The following HSD17B2 variants were observed in gnomAD, a reference collection of about 807,000 sequenced individuals.
HSD17B2 encodes 17-beta-hydroxysteroid dehydrogenase type 2.
HSD17B2 carries 32 observed loss-of-function variants against 26.9 expected under a neutral mutation model. That is an observed-to-expected ratio of 1.19 (90% CI 0.90 to 1.60). HSD17B2 has a LOEUF of 1.60. Ranked by LOEUF, HSD17B2 falls within the 40% of genes most tolerant of loss-of-function variation. The pLI is 0.00. For missense variants in HSD17B2, 613 were observed against 468.6 expected, an observed-to-expected ratio of 1.31 and a Z score of -2.85; for synonymous variants, 246 against 186.7, an observed-to-expected ratio of 1.32 and a Z score of -2.59.
chr16:82,061,171 T>C (rs572808016), intron 1 of HSD17B2, among the ~76,000 whole-genome samples: 9 of 151,860 alleles, frequency 5.9e-5, no homozygotes, highest in East Asian at 1.9e-4. Context: ...AGGCAAAGAA[T>C]TGCTTGAACC....
intron 2 of HSD17B2, among the ~76,000 whole-genome samples, chr16:82,070,643 T>C (rs1399126460): frequency 6.6e-6 from 1 of 152,256 alleles, no homozygotes; most frequent in Non-Finnish European, 1.5e-5. Flanking sequence ...TTCAGGATAA[T>C]GGCTCCTGCC....
intron 1 of HSD17B2, among the ~76,000 whole-genome samples, chr16:82,044,891 G>A (rs1913874409): frequency 6.6e-6 from 1 of 152,062 alleles, no homozygotes; most frequent in African/African-American, 2.4e-5. Flanking sequence ...GCCAGGGTGG[G>A]CAGATCACCT....
At chr16:82,072,717 C>T (rs554434119) in intron 3 of HSD17B2, among the ~76,000 whole-genome samples, 6 of 152,138 alleles carry the variant, frequency 3.9e-5, no homozygotes, top group Middle Eastern at 3.4e-3. Context: ...AGTGTATGAA[C>T]GAGTGAAAAA....
Position 82,084,504 on chromosome 16 carries a change from G to A in HSD17B2, c.665-6398G>A, listed in dbSNP as rs1364236511. Among the ~76,000 whole-genome samples, 5 of 152,200 alleles carry A rather than the reference G, an allele frequency of 3.3e-5. No individual in the cohort carries two copies. In the South Asian group the frequency reaches 6.2e-4, roughly 19 times the overall value. ...ATCCAAGTAAAAGGGACCTCTCAAC[G>A]GAGAGAGAGTAATCACAGTTGCCTG... On this transcript the variant is annotated intron_variant, in intron 3 of 4. Coordinates refer to ENST00000199936, the MANE Select transcript of HSD17B2 (RefSeq NM_002153.3).
chr16:82,049,740 T>C (rs145812165), intron 1 of HSD17B2, among the ~76,000 whole-genome samples: 68 of 152,376 alleles, frequency 4.5e-4, no homozygotes, highest in African/African-American at 1.6e-3. Flanking sequence ...AGCAGTTCAT[T>C]GTTTTTACAG....
rs72547421 is a variant in HSD17B2 at position 82,085,248 on chromosome 16, C to T, written c.665-5654C>T. Among the ~76,000 whole-genome samples, 667 of 152,216 alleles carry T rather than the reference C, an allele frequency of 4.4e-3. 4 individuals carry two copies. The highest frequency in any genetic ancestry group is 0.015 in the African/African-American group (633 of 41,538). On this transcript the variant is annotated intron_variant, in intron 3 of 4. Transcript: ENST00000199936. ...AGCCAGTCTCTCAGCTGCTCAGTGG[C>T]AAGATGGGAAGCCTAGGCTGAGATT...
At chr16:82,081,622 C>T (rs1466390223) in intron 3 of HSD17B2, among the ~76,000 whole-genome samples, 7 of 152,114 alleles carry the variant, frequency 4.6e-5, no homozygotes, top group African/African-American at 9.7e-5. Context: ...CACATAGGAG[C>T]GTTCTGAGGC....
intron 1 of HSD17B2, among the ~76,000 whole-genome samples, chr16:82,045,582 C>T (rs943913430): frequency 3.3e-5 from 5 of 152,206 alleles, no homozygotes; most frequent in Admixed American, 2.6e-4. Context: ...GGAATATAGG[C>T]GATGAGAGTT....
intron 3 of HSD17B2, among the ~76,000 whole-genome samples, chr16:82,073,445 C>T (rs765267734): frequency 3.3e-5 from 5 of 151,952 alleles, no homozygotes; most frequent in Non-Finnish European, 7.4e-5. Flanking sequence ...AGGAAGATCT[C>T]GATCTCCCGA....
chr16:82,047,096 A>G (rs8191072), intron 1 of HSD17B2, among the ~76,000 whole-genome samples: 15,718 of 152,242 alleles, frequency 0.1, 2,691 homozygotes, highest in African/African-American at 0.35. Context: ...CTTACCCCAT[A>G]GCACCAGAGA....
In HSD17B2 at chr16:82,074,665, A is replaced by G. The variant is rs114853821; in HGVS notation, c.664+3538A>G. Among the ~76,000 whole-genome samples the G allele has an allele frequency of 4.9e-3, 740 of 152,340 alleles. 9 individuals are homozygous for G. The highest frequency in any genetic ancestry group is 0.017 in the African/African-American group (708 of 41,578). On this transcript the variant is annotated intron_variant, in intron 3 of 4. Transcript: ENST00000199936. ...ATGAGGATATAACCATTGTAAATATACATGCACCCAACACCAGAGCACCCA... is the reference window on the plus strand; with the variant it reads ...ATGAGGATATAACCATTGTAAATATGCATGCACCCAACACCAGAGCACCCA...
intron 1 of HSD17B2, among the ~76,000 whole-genome samples, chr16:82,042,608 A>ATATTT (rs567502525): frequency 6.6e-6 from 1 of 151,406 alleles, no homozygotes; most frequent in African/African-American, 2.4e-5. Context: ...TTCTTATATT[A>ATATTT]TATTTTATTT....
At chr16:82,058,599 C>G (rs1914343723) in intron 1 of HSD17B2, among the ~76,000 whole-genome samples, 1 of 152,160 alleles carries the variant, frequency 6.6e-6, no homozygotes, top group Non-Finnish European at 1.5e-5. Flanking sequence ...GTCATTAGGG[C>G]TCACCTACCC....
At chr16:82,063,307 A>G (rs181245572) in intron 1 of HSD17B2, 15 of 152,362 alleles carry the variant, frequency 9.8e-5, no homozygotes, top group East Asian at 9.6e-4. Context: ...TGATGTAGTA[A>G]TTGTTTGGAA....
intron 1 of HSD17B2, among the ~76,000 whole-genome samples, chr16:82,050,446 C>T (rs767842038): frequency 3.9e-5 from 6 of 152,104 alleles, no homozygotes; most frequent in Non-Finnish European, 1.5e-5. Flanking sequence ...TCAAAGCTAC[C>T]GTCATTTGTT....
chr16:82,070,936 C>G lies in HSD17B2; in HGVS notation c.479-6C>G. On this transcript the variant is annotated splice_polypyrimidine_tract_variant and splice_region_variant and intron_variant, in intron 2 of 4. Transcript: ENST00000199936. ...ACACTCACTCATTATGGTTTTCTGTCTCCAGGACTGTGGGCTGTGATCAAC... is the reference window on the plus strand; with the variant it reads ...ACACTCACTCATTATGGTTTTCTGTGTCCAGGACTGTGGGCTGTGATCAAC... 1 of 1,611,838 alleles carries G rather than the reference C, an allele frequency of 6.2e-7. No homozygotes were observed. Among genetic ancestry groups the G allele is most frequent in the Non-Finnish European group, 8.5e-7 (1 of 1,178,450 alleles).
chr16:82,041,208 C>T (rs1597118356), intron 1 of HSD17B2, among the ~76,000 whole-genome samples: 1 of 152,160 alleles, frequency 6.6e-6, no homozygotes, highest in Non-Finnish European at 1.5e-5. Flanking sequence ...CCATGTGCCT[C>T]TTCTCAGTCT....
In HSD17B2 at chr16:82,070,417, C is replaced by T. The variant is rs1217453455; in HGVS notation, c.479-525C>T. ...GGCTATCCCAATGCCCTCCTTGCAACCCATCTTTCCTTCCCCATTACTTTC... is the reference window on the plus strand; with the variant it reads ...GGCTATCCCAATGCCCTCCTTGCAATCCATCTTTCCTTCCCCATTACTTTC... On this transcript the variant is annotated intron_variant, in intron 2 of 4. Transcript: ENST00000199936. Among the ~76,000 whole-genome samples, 3 of 152,346 alleles carry T rather than the reference C, an allele frequency of 2.0e-5. No homozygotes were observed. In the Middle Eastern group the frequency reaches 0.01, roughly 518 times the overall value.
intron 2 of HSD17B2, among the ~76,000 whole-genome samples, chr16:82,070,060 T>G (rs939446946): frequency 6.6e-6 from 1 of 152,202 alleles, no homozygotes; most frequent in African/African-American, 2.4e-5. Context: ...ATCCTTCTTC[T>G]CCACGTATAC....
Sources: allele counts gnomAD v4.1 joint callset (sites outside exome capture counted in the v4.1 genomes callset), GRCh38; gene constraint gnomAD v4.1.1; transcripts MANE v1.5; gene names NCBI Gene and HGNC (gene_info 2026-07-23, HGNC 2026-07-21).